Variants in CEP128 observed in about 807,000 individuals in gnomAD.
CEP128 encodes centrosomal protein 128, also known as centrosomal protein 128kDa.
In CEP128, 132 loss-of-function variants were observed where a neutral mutation model predicts 156.7. The ratio of observed to expected loss-of-function variants is 0.84; its 90% CI spans 0.73 to 0.97. CEP128 has a LOEUF of 0.97. CEP128 is among the 50% of genes least tolerant of loss of function. The pLI is 0.00. For missense variants in CEP128, 1,252 were observed against 1,281.9 expected, an observed-to-expected ratio of 0.98 and a Z score of 0.36; for synonymous variants, 469 against 448.9, an observed-to-expected ratio of 1.04 and a Z score of -0.57.
At chr14:80,789,547 T>C (rs1901594800) in intron 14 of CEP128, among the ~76,000 whole-genome samples, 1 of 152,124 alleles carries the variant, frequency 6.6e-6, no homozygotes, top group South Asian at 2.1e-4. Flanking sequence ...TAAAACAGGT[T>C]GATGCAAAGC....
chr14:80,878,375 G>A (rs1737566014), intron 8 of CEP128, among the ~76,000 whole-genome samples: 1 of 152,164 alleles, frequency 6.6e-6, no homozygotes, highest in African/African-American at 2.4e-5. Context: ...ACCTCTTCAA[G>A]GAATGGAGTC....
At chr14:80,642,902 G>A (rs573248438) in intron 19 of CEP128, among the ~76,000 whole-genome samples, 19 of 151,926 alleles carry the variant, frequency 1.3e-4, no homozygotes, top group East Asian at 2.0e-4. Context: ...CTACAGGCAC[G>A]TGCCACCACG....
At chr14:80,765,847 A>ATTAAAT (rs1900210856) in intron 16 of CEP128, among the ~76,000 whole-genome samples, 1 of 152,184 alleles carries the variant, frequency 6.6e-6, no homozygotes, top group South Asian at 2.1e-4. Context: ...ACAACCCCAT[A>ATTAAAT]ACCTGATCCC....
chr14:80,687,378 C>T (rs1034550616), intron 19 of CEP128, among the ~76,000 whole-genome samples: 3 of 152,050 alleles, frequency 2.0e-5, no homozygotes, highest in South Asian at 2.1e-4. Context: ...TACATACATC[C>T]CATGGAATAC....
chr14:80,684,428 G>A (rs971335204), intron 19 of CEP128, among the ~76,000 whole-genome samples: 1 of 151,792 alleles, frequency 6.6e-6, no homozygotes, highest in African/African-American at 2.4e-5. Context: ...GAACCATATC[G>A]AGTTCCAAAA....
intron 8 of CEP128, among the ~76,000 whole-genome samples, chr14:80,876,597 C>CAA (rs11419599): frequency 6.5e-4 from 88 of 135,962 alleles, no homozygotes; most frequent in African/African-American, 1.3e-3. Flanking sequence ...ACTCCCATTT[C>CAA]AAAAAAAAAA....
intron 19 of CEP128, among the ~76,000 whole-genome samples, chr14:80,607,578 G>A (rs1892836744): frequency 6.6e-6 from 1 of 152,142 alleles, no homozygotes; most frequent in Non-Finnish European, 1.5e-5. Flanking sequence ...TCAAGATACT[G>A]TTAATCTTTC....
intron 19 of CEP128, among the ~76,000 whole-genome samples, chr14:80,597,992 A>G (rs938920645): frequency 1.3e-4 from 19 of 150,654 alleles, no homozygotes; most frequent in Non-Finnish European, 2.2e-4. Flanking sequence ...GGCTAGCATT[A>G]TGCTAAATGG....
intron 21 of CEP128, among the ~76,000 whole-genome samples, chr14:80,531,612 C>T (rs972111374): frequency 9.2e-5 from 14 of 152,294 alleles, no homozygotes; most frequent in Admixed American, 8.5e-4. Flanking sequence ...ATCTCTGTAT[C>T]CTCAGCTCTG....
chr14:80,783,124 G>A (rs327462), intron 15 of CEP128, among the ~76,000 whole-genome samples: 89,819 of 151,800 alleles, frequency 0.59, 26,946 homozygotes, highest in East Asian at 0.78. Context: ...AGACTTTCTT[G>A]GTTAAGCTTA....
intron 6 of CEP128, 150 bp from the exon 7 acceptor site, chr14:80,900,179 A>AAAGG (rs1379527544): frequency 1.9e-6 from 1 of 529,154 alleles, no homozygotes; most frequent in Non-Finnish European, 3.2e-6. Flanking sequence ...TCTGAAAGAA[A>AAAGG]AAAATTTTCC....
chr14:80,493,740 A>AGG, downstream of CEP128, among the ~76,000 whole-genome samples: 1 of 152,294 alleles, frequency 6.6e-6, no homozygotes, highest in Non-Finnish European at 1.5e-5. Flanking sequence ...AGCGGTCAAC[A>AGG]ATAGGGGCTA....
intron 9 of CEP128, among the ~76,000 whole-genome samples, chr14:80,856,678 CGT>C (rs140017425): frequency 7.5e-5 from 10 of 133,278 alleles, no homozygotes; most frequent in South Asian, 2.6e-4. Context: ...TGTGTGTGTG[CGT>C]GTGTGTGTGT....
chr14:80,730,051 C>G (rs759193045), intron 19 of CEP128, among the ~76,000 whole-genome samples: 1 of 152,044 alleles, frequency 6.6e-6, no homozygotes, highest in Admixed American at 6.6e-5. Flanking sequence ...TTGGAGTGTA[C>G]ACATTGAATA....
intron 15 of CEP128, among the ~76,000 whole-genome samples, chr14:80,779,013 C>A (rs1279000574): frequency 6.6e-6 from 1 of 152,054 alleles, no homozygotes; most frequent in African/African-American, 2.4e-5. Flanking sequence ...GGATTTGAAC[C>A]CAGGAATTCT....
At chr14:80,591,148 C>T (rs1384208710) in intron 19 of CEP128, among the ~76,000 whole-genome samples, 1 of 152,116 alleles carries the variant, frequency 6.6e-6, no homozygotes, top group African/African-American at 2.4e-5. Flanking sequence ...ATCAAATTCA[C>T]ACATAACAAT....
chr14:80,559,571 C>CCTA (rs1369442435), intron 20 of CEP128, among the ~76,000 whole-genome samples: 1 of 152,128 alleles, frequency 6.6e-6, no homozygotes, highest in African/African-American at 2.4e-5. Flanking sequence ...AGGAATAGAA[C>CCTA]CTACCATTTT....
intron 12 of CEP128, among the ~76,000 whole-genome samples, chr14:80,832,999 AATG>A (rs1296032708): frequency 6.6e-6 from 1 of 152,214 alleles, no homozygotes; most frequent in Non-Finnish European, 1.5e-5. Context: ...ACATTGCATA[AATG>A]AATGGGAGTA....
intron 8 of CEP128, among the ~76,000 whole-genome samples, chr14:80,892,200 A>AT (rs1889134902): frequency 6.6e-6 from 1 of 152,028 alleles, no homozygotes; most frequent in South Asian, 2.1e-4. Context: ...TGGTACTGGC[A>AT]TAAAAACAGA....
Sources: gnomAD v4.1 joint callset for allele counts (sites outside exome capture counted in the v4.1 genomes callset) on GRCh38, gnomAD v4.1.1 for gene constraint, MANE v1.5 for transcripts, NCBI Gene and HGNC (gene_info 2026-07-23, HGNC 2026-07-21) for gene names.